Variants in IPCEF1 observed in about 807,000 individuals in gnomAD.
IPCEF1 encodes the protein interactor protein for cytohesin exchange factors 1.
Under a neutral mutation model 50.9 loss-of-function variants are expected in IPCEF1, and 31 were observed. The ratio of observed to expected loss-of-function variants is 0.61; its 90% CI spans 0.46 to 0.82. The LOEUF (loss-of-function observed/expected upper bound fraction) is 0.82. Among genes scored for constraint, IPCEF1 ranks in the 40% least tolerant of loss-of-function variants. The pLI is 0.00. For synonymous variants in IPCEF1, 181 were observed against 192.0 expected, an observed-to-expected ratio of 0.94 and a Z score of 0.47; for missense variants, 458 against 514.0, an observed-to-expected ratio of 0.89 and a Z score of 1.05.
chr6:154,273,512 G>A (rs1053288639), intron 2 of IPCEF1, among the ~76,000 whole-genome samples: 1 of 151,954 alleles, frequency 6.6e-6, no homozygotes, highest in African/African-American at 2.4e-5. Flanking sequence ...TAATCCATTC[G>A]TTTTGCCAAT....
rs3045866 is a variant in IPCEF1 at position 154,290,893 on chromosome 6, C to CTTTTTTTTTTTTTTT, written c.-61-1138_-61-1137insAAAAAAAAAAAAAAA. 6.8e-4 allele frequency among the ~76,000 whole-genome samples: 87 copies of CTTTTTTTTTTTTTTT among 127,274 alleles called. 6 individuals carry two copies. Among genetic ancestry groups the CTTTTTTTTTTTTTTT allele is most frequent in the African/African-American group, 2.6e-3 (83 of 31,540 alleles). 83.5% of individuals were successfully genotyped at this position (127,274 alleles called of 152,430 possible). ...AATTTTTCCAGTAGGAATATATTGCCTTTTTTTTTTTTTTGAGACAGAGTC... is the reference window on the plus strand; with the variant it reads ...AATTTTTCCAGTAGGAATATATTGCCTTTTTTTTTTTTTTTTTTTTTTTTTTTTTGAGACAGAGTC... On this transcript the variant is annotated intron_variant, in intron 1 of 11. Transcript: ENST00000367220.
At chr6:154,239,747 A>G (rs1426329612) in intron 5 of IPCEF1, among the ~76,000 whole-genome samples, 1 of 152,234 alleles carries the variant, frequency 6.6e-6, no homozygotes, top group Non-Finnish European at 1.5e-5. Flanking sequence ...TCTGTCACCC[A>G]GGCTGGAGTG....
intron 1 of IPCEF1, among the ~76,000 whole-genome samples, chr6:154,334,217 C>T (rs1029977843): frequency 6.6e-6 from 1 of 152,088 alleles, no homozygotes; most frequent in African/African-American, 2.4e-5. Context: ...ATTTAAAGAC[C>T]TTCTCTTTTC....
intron 2 of IPCEF1, among the ~76,000 whole-genome samples, chr6:154,286,426 T>C (rs7771193): frequency 0.26 from 39,171 of 152,238 alleles, 5,647 homozygotes; most frequent in Admixed American, 0.44. Flanking sequence ...AAGATTCCTT[T>C]AGTATTGCTT....
At chr6:154,293,746 C>T (rs141462150) in intron 1 of IPCEF1, among the ~76,000 whole-genome samples, 7 of 152,212 alleles carry the variant, frequency 4.6e-5, no homozygotes, top group Non-Finnish European at 1.0e-4. Context: ...AAACTCTCTA[C>T]TTTAATCCCA....
chr6:154,242,370 T>G (rs762482083), intron 5 of IPCEF1, among the ~76,000 whole-genome samples: 4 of 152,208 alleles, frequency 2.6e-5, no homozygotes, highest in Non-Finnish European at 5.9e-5. Context: ...TCCTTACACA[T>G]GACTCCATTT....
At chr6:154,331,446 CGAAA>C (rs1399502660) in intron 1 of IPCEF1, among the ~76,000 whole-genome samples, 6 of 103,220 alleles carry the variant, frequency 5.8e-5, no homozygotes, top group East Asian at 3.3e-4. Flanking sequence ...AGAAAGAGAA[CGAAA>C]GAAAGAAAGG....
intron 2 of IPCEF1, among the ~76,000 whole-genome samples, chr6:154,273,707 TCTTTCTTTCTTTCTTTC>T (rs1781959051): frequency 2.9e-5 from 1 of 34,482 alleles, no homozygotes; most frequent in East Asian, 1.8e-3. Context: ...TTTCTTTTTT[TCTTTCTTTCTTTCTTTC>T]TTTTTTTTTT....
chr6:154,278,586 A>T lies in IPCEF1; in HGVS notation c.-18+11127T>A, dbSNP rs186862485. On this transcript the variant is annotated intron_variant, in intron 2 of 11. Transcript: ENST00000367220. Reference sequence around the variant, plus strand: ...CCTTACTCCACTGTTTTCAATAAGTAAGAAGGTCCTTATTCCTACATCACA... The same window carrying T: ...CCTTACTCCACTGTTTTCAATAAGTTAGAAGGTCCTTATTCCTACATCACA... Among the ~76,000 whole-genome samples the T allele has an allele frequency of 1.3e-4, 20 of 152,272 alleles. No homozygotes were observed. In the East Asian group the frequency reaches 3.3e-3, roughly 25 times the overall value.
chr6:154,317,901 C>T (rs1306839037), intron 1 of IPCEF1, among the ~76,000 whole-genome samples: 1 of 152,106 alleles, frequency 6.6e-6, no homozygotes, highest in Admixed American at 6.5e-5. Flanking sequence ...ATATTCATAG[C>T]TAGTTTGCTT....
Position 154,221,223 on chromosome 6 carries a change from T to C in IPCEF1, c.392+34A>G, listed in dbSNP as rs749463312. ...CAGGCTAAAGTTAAGTATATTCCCA[T>C]TAAGGATGGGGTTTACCAGTTTCCT... On this transcript the variant is annotated intron_variant, in intron 7 of 11. Coordinates refer to ENST00000367220, the MANE Select transcript of IPCEF1 (RefSeq NM_001130700.2). The C allele has an allele frequency of 7.7e-5, 118 of 1,536,310 alleles. No homozygotes were observed. In the Middle Eastern group the frequency reaches 1.2e-3, roughly 15 times the overall value.
chr6:154,311,849 GA>G (rs1265703838), intron 1 of IPCEF1, among the ~76,000 whole-genome samples: 17 of 152,196 alleles, frequency 1.1e-4, no homozygotes, highest in African/African-American at 3.4e-4. Context: ...CAGTCAATGG[GA>G]AGGAAAATTA....
At chr6:154,264,074 C>A (rs114247190) in intron 3 of IPCEF1, among the ~76,000 whole-genome samples, 4,526 of 150,836 alleles carry the variant, frequency 0.03, 249 homozygotes, top group African/African-American at 0.1. Context: ...CCTCCTACCG[C>A]AGCCACATTG....
chr6:154,290,461 T>A (rs1377303724), intron 1 of IPCEF1, among the ~76,000 whole-genome samples: 2 of 152,174 alleles, frequency 1.3e-5, no homozygotes, highest in Non-Finnish European at 1.5e-5. Flanking sequence ...CAAGTGTACT[T>A]TACTTCCTTT....
At chr6:154,300,132 A>G (rs1782755013) in intron 1 of IPCEF1, among the ~76,000 whole-genome samples, 1 of 141,894 alleles carries the variant, frequency 7.0e-6, no homozygotes, top group Non-Finnish European at 1.6e-5. Flanking sequence ...CAATTACTTT[A>G]CAACTTCATG....
At position 154,160,031 on chromosome 6, in the gene IPCEF1, G is replaced by A. The variant is rs780427688; in HGVS notation, c.1114C>T (p.His372Tyr). The change falls in exon 12 of 12, where the codon CAT becomes TAT. Residue 372 changes from histidine to tyrosine, a missense_variant. His to Tyr is a moderately conservative substitution (Grantham distance 83, BLOSUM62 2). Coordinates refer to ENST00000367220, the MANE Select transcript of IPCEF1 (RefSeq NM_001130700.2). Reference protein sequence around the residue: ...TLNSTLKCKEHDLAMINQLLD... With the variant: ...TLNSTLKCKEYDLAMINQLLD... ...AACTGGTTAATCATGGCCAGATCATGTTCTTTACACTGTGTGAGTAGAAAA... is the reference window on the plus strand; with the variant it reads ...AACTGGTTAATCATGGCCAGATCATATTCTTTACACTGTGTGAGTAGAAAA... 1.2e-6 allele frequency: 2 copies of A among 1,610,956 alleles called. No individual in the cohort carries two copies. The highest frequency in any genetic ancestry group is 1.7e-6 in the Non-Finnish European group (2 of 1,179,434).
Position 154,281,724 on chromosome 6 carries a change from C to T in IPCEF1, c.-18+7989G>A, listed in dbSNP as rs141255312. Among the ~76,000 whole-genome samples, 461 of 152,028 alleles carry T rather than the reference C, an allele frequency of 3.0e-3. 1 individual carries two copies. The highest frequency in any genetic ancestry group is 0.011 in the African/African-American group (448 of 41,484). ...AAAATATAAAAATTAGCCTGGAGGC[C>T]GGGCACTGTGGCTCACGCCTGTAAT... On this transcript the variant is annotated intron_variant, in intron 2 of 11. Transcript: ENST00000367220.
chr6:154,205,254 C>G (rs1237151409), intron 9 of IPCEF1, among the ~76,000 whole-genome samples: 1 of 152,184 alleles, frequency 6.6e-6, no homozygotes, highest in Non-Finnish European at 1.5e-5. Flanking sequence ...AAGACACCAT[C>G]TAGTTCCATT....
At chr6:154,297,682 A>C (rs1458832631) in intron 1 of IPCEF1, among the ~76,000 whole-genome samples, 1 of 152,244 alleles carries the variant, frequency 6.6e-6, no homozygotes, top group Non-Finnish European at 1.5e-5. Context: ...CTGTGAACTC[A>C]TTGTGCATTT....
Sources: gnomAD v4.1 joint callset for allele counts (sites outside exome capture counted in the v4.1 genomes callset) on GRCh38, gnomAD v4.1.1 for gene constraint, MANE v1.5 for transcripts, NCBI Gene and HGNC (gene_info 2026-07-23, HGNC 2026-07-21) for gene names.